The following ARHGAP22 variants were observed in gnomAD, a reference collection of about 807,000 sequenced individuals.
The protein encoded by ARHGAP22 is Rho GTPase activating protein 22, also known as rho GTPase-activating protein 22.
In ARHGAP22, 48 loss-of-function variants were observed where a neutral mutation model predicts 59.1. The observed-to-expected ratio is 0.81, with a 90% confidence interval of 0.64 to 1.03. The LOEUF (loss-of-function observed/expected upper bound fraction) is 1.03, where lower values mean the gene tolerates loss of function less well. Among genes scored for constraint, ARHGAP22 ranks in the 50% least tolerant of loss-of-function variants. The pLI is 0.00. For missense variants in ARHGAP22, 1,015 were observed against 958.7 expected (o/e 1.06, Z -0.78); for synonymous variants, 445 against 416.4 (o/e 1.07, Z -0.84).
At chr10:48,643,239 G>C (rs2062130347) in intron 1 of ARHGAP22, among the ~76,000 whole-genome samples, 1 of 152,142 alleles carries the variant, frequency 6.6e-6, no homozygotes, top group Admixed American at 6.5e-5. Context: ...CCATTACTGG[G>C]TATATACCCA....
At chr10:48,605,075 G>C (rs1299314777), upstream of ARHGAP22, 87 of 1,356,110 alleles carry the variant, frequency 6.4e-5, no homozygotes, top group Non-Finnish European at 8.1e-5. Flanking sequence ...TCAATCACTG[G>C]ACCAGGGCGG....
the ARHGAP22 span, chr10:48,438,165 G>C: frequency 6.6e-6 from 1 of 152,196 alleles, no homozygotes; most frequent in African/African-American, 2.4e-5. Flanking sequence ...GCTATAGAGT[G>C]GATGCATGAA....
At chr10:48,582,391 G>A (rs887180940) in intron 2 of ARHGAP22, among the ~76,000 whole-genome samples, 10 of 152,340 alleles carry the variant, frequency 6.6e-5, no homozygotes, top group South Asian at 2.1e-4. Flanking sequence ...TGCATGGGCC[G>A]CTGTGACGAG....
At chr10:48,494,458 A>G (rs1195897042) in intron 3 of ARHGAP22, among the ~76,000 whole-genome samples, 1 of 152,222 alleles carries the variant, frequency 6.6e-6, no homozygotes, top group Non-Finnish European at 1.5e-5. Flanking sequence ...AATGAGCACC[A>G]AACTTTGCTC....
intron 3 of ARHGAP22, among the ~76,000 whole-genome samples, chr10:48,547,504 T>G (rs989377819): frequency 2.6e-4 from 40 of 152,242 alleles, no homozygotes; most frequent in African/African-American, 9.4e-4. Flanking sequence ...ATGGTACAGC[T>G]GGCCCCCGAG....
At chr10:48,452,406 G>A (rs2046063576) in intron 8 of ARHGAP22, among the ~76,000 whole-genome samples, 1 of 152,182 alleles carries the variant, frequency 6.6e-6, no homozygotes, top group African/African-American at 2.4e-5. Context: ...GGCAGGGCAG[G>A]CCTCCTCCCT....
intron 2 of ARHGAP22, among the ~76,000 whole-genome samples, chr10:48,557,272 CAG>C (rs1282306840): frequency 5.3e-5 from 8 of 152,144 alleles, no homozygotes. Flanking sequence ...GTTTCAGTAA[CAG>C]AGTCCCTGTG....
At chr10:48,483,046 A>G (rs139173011) in intron 3 of ARHGAP22, among the ~76,000 whole-genome samples, 25 of 152,202 alleles carry the variant, frequency 1.6e-4, no homozygotes, top group African/African-American at 4.8e-4. Context: ...TTGTTTTTCT[A>G]TGCCTAGCTT....
At chr10:48,625,994 T>C in intron 1 of ARHGAP22, among the ~76,000 whole-genome samples, 1 of 152,206 alleles carries the variant, frequency 6.6e-6, no homozygotes, top group East Asian at 1.9e-4. Context: ...AAGAGAGACC[T>C]GGGCAAATCA....
intron 3 of ARHGAP22, among the ~76,000 whole-genome samples, chr10:48,501,587 A>G (rs188297202): frequency 6.6e-6 from 1 of 152,342 alleles, no homozygotes; most frequent in African/African-American, 2.4e-5. Context: ...ATAATTTGAG[A>G]TATATCAACA....
intron 2 of ARHGAP22, among the ~76,000 whole-genome samples, chr10:48,579,564 T>C (rs1266335562): frequency 2.6e-5 from 4 of 152,216 alleles, no homozygotes; most frequent in African/African-American, 9.7e-5. Flanking sequence ...TCTTGAACTG[T>C]CTTGTATCTA....
At chr10:48,458,093 T>C (rs1348984154) in intron 5 of ARHGAP22, among the ~76,000 whole-genome samples, 2 of 151,674 alleles carry the variant, frequency 1.3e-5, no homozygotes, top group African/African-American at 4.8e-5. Flanking sequence ...GAGGAGTTTC[T>C]AAAGGGAGAG....
downstream of ARHGAP22, among the ~76,000 whole-genome samples, chr10:48,442,724 T>C (rs1196385885): frequency 6.6e-6 from 1 of 152,196 alleles, no homozygotes; most frequent in Non-Finnish European, 1.5e-5. Flanking sequence ...TTTACCACAG[T>C]GGACAGACAT....
chr10:48,530,236 C>CAAAAAAAAAAAA (rs60902650), intron 3 of ARHGAP22, among the ~76,000 whole-genome samples: 4 of 49,040 alleles, frequency 8.2e-5, no homozygotes, highest in East Asian at 8.1e-4. Context: ...GACTCCATTG[C>CAAAAAAAAAAAA]AAAAAAAAAA....
intron 3 of ARHGAP22, among the ~76,000 whole-genome samples, chr10:48,536,197 G>A (rs905726029): frequency 3.9e-5 from 6 of 152,246 alleles, no homozygotes; most frequent in African/African-American, 9.6e-5. Context: ...TCTGCCAGAC[G>A]AGGGCACTGG....
chr10:48,579,851 C>T (rs182340508), intron 2 of ARHGAP22, among the ~76,000 whole-genome samples: 5 of 152,312 alleles, frequency 3.3e-5, no homozygotes, highest in African/African-American at 1.2e-4. Flanking sequence ...GAGAATTAGT[C>T]TATTACATGC....
rs1170174558 is a variant in ARHGAP22, at chr10:48,625,738, A to ACC, written c.52+26494_52+26495dup. On this transcript the variant is annotated intron_variant, in intron 1 of 9. Coordinates refer to the ARHGAP22 transcript ENST00000435790. ...CACACACACACACACACACACACAC[A>ACC]CCTGCTTTGCTGGGCTTTCCTTCTG... 7.2e-5 allele frequency among the ~76,000 whole-genome samples: 10 copies of ACC among 138,412 alleles called. No homozygotes were observed. In the South Asian group the frequency reaches 1.4e-3, roughly 19 times the overall value. 90.8% of individuals were successfully genotyped at this position (138,412 alleles called of 152,430 possible). A position where few individuals can be genotyped will look rare whatever the true frequency, so the allele number is the denominator to read the frequency against.
At chr10:48,614,834 T>G (rs1250597522) in intron 1 of ARHGAP22, among the ~76,000 whole-genome samples, 1 of 152,174 alleles carries the variant, frequency 6.6e-6, no homozygotes, top group African/African-American at 2.4e-5. Context: ...CATCTGCAAA[T>G]AGCTAAAATT....
chr10:48,523,762 A>G (rs1039792943), intron 3 of ARHGAP22, among the ~76,000 whole-genome samples: 10 of 151,494 alleles, frequency 6.6e-5, no homozygotes, highest in Non-Finnish European at 1.2e-4. Context: ...CGGGCCCTGG[A>G]GGGCGGACCC....
Sources: gnomAD v4.1 joint callset for allele counts (sites outside exome capture counted in the v4.1 genomes callset) on GRCh38, gnomAD v4.1.1 for gene constraint, MANE v1.5 for transcripts, NCBI Gene and HGNC (gene_info 2026-07-23, HGNC 2026-07-21) for gene names.